Variants in NCAM2 observed in about 807,000 individuals in gnomAD.
The protein encoded by NCAM2 is neural cell adhesion molecule 2.
Under a neutral mutation model 98.1 loss-of-function variants are expected in NCAM2, and 30 were observed. The ratio of observed to expected loss-of-function variants is 0.31; its 90% confidence interval spans 0.23 to 0.41. The LOEUF is 0.41. Among genes scored for constraint, NCAM2 ranks in the 10% least tolerant of loss-of-function variants. The pLI is 1.00. For missense variants in NCAM2, 867 were observed against 1,005.8 expected (o/e 0.86, Z 1.87); for synonymous variants, 368 against 342.4 (o/e 1.07, Z -0.83).
intron 9 of NCAM2, among the ~76,000 whole-genome samples, chr21:21,399,450 A>G (rs1413293142): frequency 1.3e-5 from 2 of 152,216 alleles, no homozygotes; most frequent in Non-Finnish European, 2.9e-5. Context: ...GAAAAGAGGA[A>G]GATATTTCAC....
chr21:21,252,298 C>T (rs2147293606), intron 1 of NCAM2, among the ~76,000 whole-genome samples: 1 of 151,268 alleles, frequency 6.6e-6, no homozygotes, highest in South Asian at 2.1e-4. Flanking sequence ...AATGTGTATC[C>T]CTGAATCAAA....
At chr21:21,206,510 G>C (rs921132311) in intron 1 of NCAM2, among the ~76,000 whole-genome samples, 3 of 152,072 alleles carry the variant, frequency 2.0e-5, no homozygotes, top group Non-Finnish European at 4.4e-5. Context: ...ATATCATATA[G>C]TCTTACTGGG....
chr21:21,231,703 A>G (rs1424197846), intron 1 of NCAM2, among the ~76,000 whole-genome samples: 1 of 151,348 alleles, frequency 6.6e-6, no homozygotes, highest in East Asian at 1.9e-4. Context: ...GGGAACTCAT[A>G]ATGAGATATT....
intron 1 of NCAM2, among the ~76,000 whole-genome samples, chr21:21,261,976 G>GA (rs1237549446): frequency 6.6e-6 from 1 of 151,900 alleles, no homozygotes; most frequent in African/African-American, 2.4e-5. Context: ...GATTAACTAA[G>GA]AAAAAAGAGC....
At chr21:21,371,824 C>T (rs892958428) in intron 8 of NCAM2, among the ~76,000 whole-genome samples, 5 of 151,670 alleles carry the variant, frequency 3.3e-5, no homozygotes, top group African/African-American at 1.2e-4. Flanking sequence ...CTCAGCACTG[C>T]ATCGCAGTGC....
At chr21:21,126,254 A>AAAAAAAAAAAAAAAAG (rs2066821579) in intron 1 of NCAM2, among the ~76,000 whole-genome samples, 1 of 150,876 alleles carries the variant, frequency 6.6e-6, no homozygotes, top group African/African-American at 2.4e-5. Flanking sequence ...AAAAAAAAAA[A>AAAAAAAAAAAAAAAAG]AAAATCGCAG....
intron 8 of NCAM2, among the ~76,000 whole-genome samples, chr21:21,352,338 TC>T (rs1198763134): frequency 4.6e-5 from 7 of 152,062 alleles, no homozygotes; most frequent in African/African-American, 1.7e-4. Flanking sequence ...TTCAGGATGG[TC>T]ATGAACTCCT....
At chr21:21,424,622 A>C (rs1488008762) in intron 11 of NCAM2, among the ~76,000 whole-genome samples, 1 of 152,140 alleles carries the variant, frequency 6.6e-6, no homozygotes, top group Non-Finnish European at 1.5e-5. Flanking sequence ...AAAGGATGGG[A>C]CTGTTAATGA....
chr21:21,061,697 T>C (rs2065327227), intron 1 of NCAM2, among the ~76,000 whole-genome samples: 2 of 152,164 alleles, frequency 1.3e-5, no homozygotes, highest in African/African-American at 4.8e-5. Flanking sequence ...ATTGATTGAA[T>C]ATTTTAAAAT....
chr21:21,320,319 C>A (rs2074344227), intron 5 of NCAM2, among the ~76,000 whole-genome samples: 1 of 152,120 alleles, frequency 6.6e-6, no homozygotes, highest in African/African-American at 2.4e-5. Context: ...TTATAGTAAT[C>A]AGGAAGATAG....
chr21:21,034,631 C>T (rs544734245), intron 1 of NCAM2, among the ~76,000 whole-genome samples: 18 of 152,196 alleles, frequency 1.2e-4, no homozygotes, highest in African/African-American at 3.6e-4. Context: ...TGGAAAGTTA[C>T]AGTCAGGTAT....
rs1990264200 is a variant in NCAM2, at chr21:21,542,331, T to TATATAATATATGCTAAATCAAATAA, written c.*4381_*4382insATATGCTAAATCAAATAAATATAAT. 6.6e-6 allele frequency: 1 copy of TATATAATATATGCTAAATCAAATAA among 151,732 alleles called. No individual in the cohort carries two copies. The highest frequency in any genetic ancestry group is 2.4e-5 in the African/African-American group (1 of 41,416). The allele number at this position is 151,732 out of a possible 1,614,324, so 9.4% of individuals were successfully genotyped here. A position where few individuals can be genotyped will look rare whatever the true frequency, so the allele number is the denominator to read the frequency against. ...TATAAAGGCAAAGAATTTTATATTA[T>TATATAATATATGCTAAATCAAATAA]ATATAATGCTAAATATTTATTTGAT... On this transcript the variant is annotated 3_prime_UTR_variant, in exon 18 of 18. Transcript: ENST00000400546.
chr21:21,383,835 A>C (rs1569002853), intron 9 of NCAM2, among the ~76,000 whole-genome samples: 1 of 151,994 alleles, frequency 6.6e-6, no homozygotes. Flanking sequence ...TTTATTTTTC[A>C]CATTGTTTAG....
intron 1 of NCAM2, among the ~76,000 whole-genome samples, chr21:21,011,657 G>A (rs981560481): frequency 3.3e-5 from 5 of 152,010 alleles, no homozygotes; most frequent in African/African-American, 7.2e-5. Context: ...GTGCCATGCA[G>A]TACATCTTCA....
chr21:21,417,241 C>A (rs2077013625), intron 10 of NCAM2, among the ~76,000 whole-genome samples: 1 of 152,014 alleles, frequency 6.6e-6, no homozygotes, highest in South Asian at 2.1e-4. Flanking sequence ...AAATCTCTTT[C>A]TCATTAGAAC....
chr21:21,191,599 T>C (rs1191463969), intron 1 of NCAM2, among the ~76,000 whole-genome samples: 1 of 152,218 alleles, frequency 6.6e-6, no homozygotes, highest in Admixed American at 6.5e-5. Context: ...CTCTTGTCTT[T>C]GGTAGGATTT....
intron 11 of NCAM2, among the ~76,000 whole-genome samples, chr21:21,430,297 G>T (rs2077303998): frequency 6.7e-6 from 1 of 150,266 alleles, no homozygotes; most frequent in Non-Finnish European, 1.5e-5. Context: ...AAAGTGCAGT[G>T]ATTACAGTTG....
At chr21:21,467,217 G>A (rs1983796554) in intron 13 of NCAM2, among the ~76,000 whole-genome samples, 1 of 151,374 alleles carries the variant, frequency 6.6e-6, no homozygotes. Context: ...CATATTTTGG[G>A]GAATTGTAAG....
intron 1 of NCAM2, among the ~76,000 whole-genome samples, chr21:21,090,787 T>C (rs1980966): frequency 0.22 from 34,022 of 152,002 alleles, 4,453 homozygotes; most frequent in African/African-American, 0.36. Context: ...TTCAACCCTC[T>C]AGACAAACTC....
Sources: allele counts gnomAD v4.1 joint callset (sites outside exome capture counted in the v4.1 genomes callset), GRCh38; gene constraint gnomAD v4.1.1; transcripts MANE v1.5; gene names NCBI Gene and HGNC (gene_info 2026-07-23, HGNC 2026-07-21).